ARHGAP22: variants seen among roughly 807,000 people sequenced by gnomAD.
The protein encoded by ARHGAP22 is Rho GTPase activating protein 22.
A neutral mutation model predicts 59.1 loss-of-function variants in ARHGAP22; 48 were observed. The ratio of observed to expected loss-of-function variants is 0.81; its 90% CI spans 0.64 to 1.03. The LOEUF is 1.03. Ranked by LOEUF, ARHGAP22 falls within the 50% of genes least tolerant of loss-of-function variation. The pLI is 0.00. For synonymous variants in ARHGAP22, 445 were observed against 416.4 expected (o/e 1.07, Z -0.84); for missense variants, 1,015 against 958.7 (o/e 1.06, Z -0.78).
At chr10:48,520,271 G>C (rs2053684945) in intron 3 of ARHGAP22, among the ~76,000 whole-genome samples, 1 of 152,236 alleles carries the variant, frequency 6.6e-6, no homozygotes, top group Middle Eastern at 3.2e-3. Context: ...AGACAGCTCA[G>C]AAGGTGAACA....
chr10:48,616,204 G>A (rs1469433886), intron 1 of ARHGAP22, among the ~76,000 whole-genome samples: 5 of 152,144 alleles, frequency 3.3e-5, no homozygotes, highest in Non-Finnish European at 5.9e-5. Context: ...TGGCAATAAA[G>A]TCTTTTTAAA....
At chr10:48,453,278 G>C in intron 8 of ARHGAP22, 26 bp downstream of exon 8, 1 of 1,612,082 alleles carries the variant, frequency 6.2e-7, no homozygotes, top group Admixed American at 1.7e-5. Flanking sequence ...CAGCACCCAG[G>C]GCCACCAGGT....
chr10:48,555,789 C>T (rs917530695), intron 2 of ARHGAP22, among the ~76,000 whole-genome samples: 2 of 152,184 alleles, frequency 1.3e-5, no homozygotes, highest in Non-Finnish European at 2.9e-5. Context: ...GGAGCTCTGC[C>T]CACAGGCAGG....
At chr10:48,570,558 A>C (rs1838576) in intron 2 of ARHGAP22, among the ~76,000 whole-genome samples, 58,758 of 151,954 alleles carry the variant, frequency 0.39, 12,795 homozygotes, top group East Asian at 0.89. Flanking sequence ...TTTTTTTCTG[A>C]GTGTAGACAG....
At chr10:48,455,452 C>A (rs1450615385) in intron 5 of ARHGAP22, among the ~76,000 whole-genome samples, 3 of 152,212 alleles carry the variant, frequency 2.0e-5, no homozygotes, top group Non-Finnish European at 4.4e-5. Flanking sequence ...ACCTGTCCTG[C>A]GTAGACTGCG....
At position 48,452,256 on chromosome 10, in the gene ARHGAP22, C is replaced by T. The variant is rs187944372; in HGVS notation, c.988+1048G>A. On this transcript the variant is annotated intron_variant, in intron 8 of 9. Coordinates refer to ENST00000249601, the MANE Select transcript of ARHGAP22 (RefSeq NM_021226.4). Reference sequence around the variant, plus strand: ...TGCCACCCTCACCACAAAGGCCCGACGCTAGGAGGTCCCCCGGTAGGAGGG... The same window carrying T: ...TGCCACCCTCACCACAAAGGCCCGATGCTAGGAGGTCCCCCGGTAGGAGGG... Among the ~76,000 whole-genome samples the T allele has an allele frequency of 4.3e-3, 660 of 152,252 alleles. 6 individuals carry two copies. The highest frequency in any genetic ancestry group is 7.6e-3 in the Non-Finnish European group (517 of 67,990).
intron 3 of ARHGAP22, among the ~76,000 whole-genome samples, chr10:48,551,702 A>G (rs890902906): frequency 6.6e-6 from 1 of 152,246 alleles, no homozygotes; most frequent in Non-Finnish European, 1.5e-5. Context: ...AGAGGACAGA[A>G]GTCCCACTGG....
chr10:48,580,474 A>G (rs1033882238), intron 2 of ARHGAP22, among the ~76,000 whole-genome samples: 4 of 152,124 alleles, frequency 2.6e-5, no homozygotes, highest in African/African-American at 9.7e-5. Flanking sequence ...CAGGGTCATG[A>G]GCACCCGGGC....
intron 1 of ARHGAP22, among the ~76,000 whole-genome samples, chr10:48,626,308 G>C (rs1270205920): frequency 6.6e-6 from 1 of 152,144 alleles, no homozygotes; most frequent in Non-Finnish European, 1.5e-5. Flanking sequence ...CATGCTGAGT[G>C]TGAATTGTGA....
intron 4 of ARHGAP22, among the ~76,000 whole-genome samples, chr10:48,467,365 C>T (rs2133909924): frequency 6.6e-6 from 1 of 152,164 alleles, no homozygotes; most frequent in Admixed American, 6.5e-5. Context: ...AATGGGTACA[C>T]CAGGAAGGCA....
chr10:48,439,117 CCCTCTGCGATGTCATT>C, the ARHGAP22 span: 1 of 151,966 alleles, frequency 6.6e-6, no homozygotes, highest in African/African-American at 2.4e-5. Context: ...TTGCTTTTCT[CCCTCTGCGATGTCATT>C]CCTCCTCCAT....
intron 4 of ARHGAP22, among the ~76,000 whole-genome samples, chr10:48,476,889 C>A (rs2048805310): frequency 6.6e-6 from 1 of 152,252 alleles, no homozygotes; most frequent in Non-Finnish European, 1.5e-5. Context: ...GAGGCCAGAA[C>A]ATCCACCTCC....
chr10:48,520,746 AG>A (rs139106718), intron 3 of ARHGAP22, among the ~76,000 whole-genome samples: 8 of 152,242 alleles, frequency 5.3e-5, no homozygotes, highest in Non-Finnish European at 1.2e-4. Context: ...AAACCCCAGA[AG>A]GCAAGGAAGA....
chr10:48,479,488 A>C, intron 4 of ARHGAP22, 148 bp downstream of exon 4: 4 of 1,437,436 alleles, frequency 2.8e-6, no homozygotes, highest in African/African-American at 1.4e-5. Flanking sequence ...GAGGGCTGGC[A>C]GTGGAAGGGC....
chr10:48,478,143 G>A (rs1257419716), intron 4 of ARHGAP22, among the ~76,000 whole-genome samples: 1 of 152,118 alleles, frequency 6.6e-6, no homozygotes, highest in Non-Finnish European at 1.5e-5. Flanking sequence ...GCTCTATTCT[G>A]TTCCACTGGT....
intron 3 of ARHGAP22, among the ~76,000 whole-genome samples, chr10:48,519,329 G>A (rs1475643734): frequency 1.3e-5 from 2 of 152,150 alleles, no homozygotes; most frequent in Non-Finnish European, 2.9e-5. Flanking sequence ...CTGGCTGCTG[G>A]GCACCCCAGT....
At chr10:48,463,246 A>T (rs2047325995) in intron 4 of ARHGAP22, among the ~76,000 whole-genome samples, 2 of 152,084 alleles carry the variant, frequency 1.3e-5, no homozygotes, top group South Asian at 4.1e-4. Flanking sequence ...AACCTGGCCC[A>T]TGCTCCTCTC....
At chr10:48,438,672 CCT>C in the ARHGAP22 span, 1 of 152,126 alleles carries the variant, frequency 6.6e-6, no homozygotes, top group South Asian at 2.1e-4. Context: ...AAGCTGTTGC[CCT>C]GTTAGATCTT....
intron 3 of ARHGAP22, among the ~76,000 whole-genome samples, chr10:48,500,971 A>G (rs927861784): frequency 2.0e-5 from 3 of 152,190 alleles, no homozygotes; most frequent in African/African-American, 7.2e-5. Context: ...AATTTTGTAT[A>G]AAATTTTGGA....
Sources: gnomAD v4.1 joint callset for allele counts (sites outside exome capture counted in the v4.1 genomes callset) on GRCh38, gnomAD v4.1.1 for gene constraint, MANE v1.5 for transcripts, NCBI Gene and HGNC (gene_info 2026-07-23, HGNC 2026-07-21) for gene names.